GALNT13: variants seen among roughly 807,000 people sequenced by gnomAD.
The protein encoded by GALNT13 is polypeptide N-acetylgalactosaminyltransferase 13.
In GALNT13, 28 loss-of-function variants were observed where a neutral mutation model predicts 64.2. The ratio of observed to expected loss-of-function variants is 0.44; its 90% CI spans 0.32 to 0.60. The LOEUF (loss-of-function observed/expected upper bound fraction) is 0.60. Ranked by LOEUF, GALNT13 falls within the 20% of genes least tolerant of loss-of-function variation. GALNT13 has a pLI of 0.05. For synonymous variants in GALNT13, 214 were observed against 224.6 expected, an observed-to-expected ratio of 0.95 and a Z score of 0.42; for missense variants, 577 against 669.8, an observed-to-expected ratio of 0.86 and a Z score of 1.53.
At chr2:153,225,680 G>C in the GALNT13 span, among the ~76,000 whole-genome samples, 1 of 152,102 alleles carries the variant, frequency 6.6e-6, no homozygotes, top group Non-Finnish European at 1.5e-5. Flanking sequence ...TTATATGTCA[G>C]CAATAAACAA....
At chr2:153,615,045 CT>C in the GALNT13 span, among the ~76,000 whole-genome samples, 4 of 152,108 alleles carry the variant, frequency 2.6e-5, no homozygotes, top group Non-Finnish European at 4.4e-5. Context: ...ATCCCAGCGT[CT>C]GGTAACTATC....
intron 3 of GALNT13, among the ~76,000 whole-genome samples, chr2:154,039,401 A>G (rs773598194): frequency 2.1e-5 from 3 of 140,646 alleles, no homozygotes; most frequent in Non-Finnish European, 4.9e-5. Context: ...AAAATGTGGT[A>G]TGTATACACA....
the GALNT13 span, among the ~76,000 whole-genome samples, chr2:153,274,059 G>A: frequency 0.14 from 20,825 of 152,120 alleles, 1,692 homozygotes; most frequent in Non-Finnish European, 0.18. Flanking sequence ...ACTAAAGTTA[G>A]CCAGGCTTGG....
At chr2:153,458,861 A>G in the GALNT13 span, among the ~76,000 whole-genome samples, 1 of 152,316 alleles carries the variant, frequency 6.6e-6, no homozygotes, top group South Asian at 2.1e-4. Context: ...TCAGTGAGCA[A>G]TATCTTCCTT....
intron 9 of GALNT13, among the ~76,000 whole-genome samples, chr2:154,322,982 C>T (rs1010654344): frequency 3.3e-5 from 5 of 151,894 alleles, no homozygotes; most frequent in African/African-American, 7.3e-5. Context: ...ATAGTAATCT[C>T]GGGGTACTCA....
the GALNT13 span, among the ~76,000 whole-genome samples, chr2:153,123,131 A>G: frequency 3.3e-5 from 5 of 152,288 alleles, no homozygotes; most frequent in African/African-American, 1.2e-4. Flanking sequence ...CAGAAGACAC[A>G]GGGATGAATG....
the GALNT13 span, among the ~76,000 whole-genome samples, chr2:153,736,504 T>G: frequency 6.6e-6 from 1 of 152,198 alleles, no homozygotes; most frequent in Non-Finnish European, 1.5e-5. Flanking sequence ...GTGTTTATTG[T>G]TATTGGTATA....
chr2:153,557,347 G>A, the GALNT13 span, among the ~76,000 whole-genome samples: 3 of 152,108 alleles, frequency 2.0e-5, no homozygotes, highest in African/African-American at 2.4e-5. Context: ...TCACAAATAC[G>A]AAATCACCTA....
intron 8 of GALNT13, among the ~76,000 whole-genome samples, chr2:154,260,281 A>G (rs1232083788): frequency 6.6e-6 from 1 of 152,180 alleles, no homozygotes; most frequent in Non-Finnish European, 1.5e-5. Context: ...AAGTTTAAAA[A>G]TTATGCCTTT....
At chr2:153,403,802 T>G in the GALNT13 span, among the ~76,000 whole-genome samples, 33 of 152,108 alleles carry the variant, frequency 2.2e-4, no homozygotes, top group Non-Finnish European at 4.1e-4. Flanking sequence ...CACGGTGTGC[T>G]CACCCACTGA....
At chr2:154,376,722 G>A (rs979946751) in intron 9 of GALNT13, among the ~76,000 whole-genome samples, 1 of 152,046 alleles carries the variant, frequency 6.6e-6, no homozygotes, top group African/African-American at 2.4e-5. Context: ...AAAATCATGA[G>A]AATTTTTTTA....
chr2:153,683,304 G>A, the GALNT13 span, among the ~76,000 whole-genome samples: 1 of 151,734 alleles, frequency 6.6e-6, no homozygotes, highest in Non-Finnish European at 1.5e-5. Context: ...CAAAGTGCTA[G>A]ACGCAGTGCC....
At chr2:154,182,866 C>T (rs918258093) in intron 4 of GALNT13, among the ~76,000 whole-genome samples, 2 of 152,020 alleles carry the variant, frequency 1.3e-5, no homozygotes, top group African/African-American at 4.8e-5. Flanking sequence ...ATTTGTTTCT[C>T]AGGGACAAAT....
chr2:154,107,015 T>G (rs1055957008), intron 3 of GALNT13, among the ~76,000 whole-genome samples: 24 of 129,520 alleles, frequency 1.9e-4, no homozygotes, highest in African/African-American at 5.2e-4. Context: ...GGACAGCTGG[T>G]TTTTTTTGTT....
At chr2:153,087,371 C>T in the GALNT13 span, among the ~76,000 whole-genome samples, 13 of 152,050 alleles carry the variant, frequency 8.5e-5, no homozygotes, top group African/African-American at 2.2e-4. Context: ...ATACTGTTGG[C>T]GTCTGTTGTC....
At chr2:153,855,819 A>T in the GALNT13 span, among the ~76,000 whole-genome samples, 1 of 152,166 alleles carries the variant, frequency 6.6e-6, no homozygotes, top group African/African-American at 2.4e-5. Context: ...AATAACAAAA[A>T]CAGTGAAAAT....
the GALNT13 span, among the ~76,000 whole-genome samples, chr2:153,782,226 T>C: frequency 2.0e-5 from 3 of 152,212 alleles, no homozygotes; most frequent in African/African-American, 7.2e-5. Context: ...TTTGTAAATA[T>C]CATAGATCTT....
At position 154,448,875 on chromosome 2, in the gene GALNT13, T is replaced by A. The variant is rs551267590; in HGVS notation, c.1531-1536T>A. The stretch of plus-strand genomic sequence containing the variant: ...GATATATGAAAAATCATACTTTTTT[T>A]AAAAAGGGATCTAATAGAAGTATGC... On this transcript the variant is annotated intron_variant, in intron 12 of 12. Transcript: ENST00000392825. Among the ~76,000 whole-genome samples, 243 of 152,050 alleles carry A rather than the reference T, an allele frequency of 1.6e-3. 1 individual carries two copies. Among genetic ancestry groups the A allele is most frequent in the African/African-American group, 5.5e-3 (229 of 41,522 alleles).
intron 3 of GALNT13, among the ~76,000 whole-genome samples, chr2:154,067,582 G>A (rs980825662): frequency 1.3e-5 from 2 of 151,964 alleles, no homozygotes; most frequent in African/African-American, 4.8e-5. Flanking sequence ...TTAGCCAGAG[G>A]ATATAACATT....
Sources: gnomAD v4.1 joint callset for allele counts (sites outside exome capture counted in the v4.1 genomes callset) on GRCh38, gnomAD v4.1.1 for gene constraint, MANE v1.5 for transcripts, NCBI Gene and HGNC (gene_info 2026-07-23, HGNC 2026-07-21) for gene names.